ZMIZ1: variants seen among roughly 807,000 people sequenced by gnomAD.
ZMIZ1 encodes zinc finger MIZ domain-containing protein 1.
Under a neutral mutation model 113.9 loss-of-function variants are expected in ZMIZ1, and 17 were observed. That is an observed-to-expected ratio of 0.15 (90% CI 0.10 to 0.22). ZMIZ1 has a LOEUF of 0.22. Ranked by LOEUF, ZMIZ1 falls within the 10% of genes least tolerant of loss-of-function variation. The probability of loss-of-function intolerance (pLI) is 1.00; values close to 1 mark genes in which losing one functional copy is unlikely to be tolerated. For missense variants in ZMIZ1, 1,059 were observed against 1,477.8 expected (o/e 0.72, Z 4.65); for synonymous variants, 607 against 603.1 (o/e 1.01, Z -0.09).
At chr10:79,238,895 G>A (rs1849700676) in intron 7 of ZMIZ1, among the ~76,000 whole-genome samples, 1 of 152,170 alleles carries the variant, frequency 6.6e-6, no homozygotes, top group Non-Finnish European at 1.5e-5. Flanking sequence ...CAGTAACCAT[G>A]AGCTGCTTAT....
chr10:79,198,991 G>A (rs532427041), intron 4 of ZMIZ1, among the ~76,000 whole-genome samples: 2 of 151,284 alleles, frequency 1.3e-5, no homozygotes, highest in East Asian at 2.0e-4. Context: ...CCAAGATCAC[G>A]CCATTGCACT....
chr10:79,157,855 G>A (rs914511693), intron 3 of ZMIZ1, among the ~76,000 whole-genome samples: 2 of 152,210 alleles, frequency 1.3e-5, no homozygotes, highest in African/African-American at 4.8e-5. Context: ...GTAAGGGGAT[G>A]TGTGTGGCGG....
intron 1 of ZMIZ1, among the ~76,000 whole-genome samples, chr10:79,117,419 T>C (rs1844088847): frequency 6.6e-6 from 1 of 152,228 alleles, no homozygotes; most frequent in Non-Finnish European, 1.5e-5. Context: ...TGAGTCAACA[T>C]TGTGTTTGCA....
chr10:79,099,503 C>G (rs1032410920), intron 1 of ZMIZ1, among the ~76,000 whole-genome samples: 1 of 152,218 alleles, frequency 6.6e-6, no homozygotes, highest in Admixed American at 6.5e-5. Context: ...TCTTGTTAGA[C>G]TGGCGTGTGG....
chr10:79,289,743 C>G, intron 8 of ZMIZ1, 32 bp from the exon 9 acceptor site: 3 of 1,595,812 alleles, frequency 1.9e-6, no homozygotes, highest in Non-Finnish European at 2.6e-6. Context: ...GCCTGCCAGG[C>G]CCTGAAGATC....
At chr10:79,180,833 C>T (rs189338447) in intron 4 of ZMIZ1, among the ~76,000 whole-genome samples, 8 of 152,350 alleles carry the variant, frequency 5.3e-5, no homozygotes, top group Admixed American at 1.3e-4. Context: ...ACTTTGACTC[C>T]AGTCCCAGCT....
intron 1 of ZMIZ1, among the ~76,000 whole-genome samples, chr10:79,114,649 C>G (rs1349770749): frequency 6.6e-6 from 1 of 152,094 alleles, no homozygotes; most frequent in East Asian, 1.9e-4. Flanking sequence ...AGCAGCTGAA[C>G]AGCTGTCAGC....
At position 79,277,292 on chromosome 10, in the gene ZMIZ1, C is replaced by A; in HGVS notation, c.392C>A (p.Ser131Tyr). ...CTCCCCATGCAGCCCCCTCTCAGCT[C>A]CATGAGCTCCATGAAACCCACTCTG... is the stretch of plus-strand genomic sequence containing the variant. ...GKLPMQPPLSSMSSMKPTLSH... is the reference protein window; with the variant it reads ...GKLPMQPPLSYMSSMKPTLSH... The change falls in exon 8 of 25, where the codon TCC (serine) becomes TAC (tyrosine). Residue 131 changes from serine (S) to tyrosine (Y), a missense_variant. By Grantham distance (144) the Ser-to-Tyr change is moderately radical (BLOSUM62 -2). This residue lies in a region of ZMIZ1 where 272 missense variants were observed against 350.4 expected (regional missense o/e 0.78). Coordinates refer to ENST00000334512, the MANE Select transcript of ZMIZ1 (RefSeq NM_020338.4). 1 of 1,601,618 alleles carries A rather than the reference C, an allele frequency of 6.2e-7. No individual in the cohort carries two copies. Among genetic ancestry groups the A allele is most frequent in the Non-Finnish European group, 8.5e-7 (1 of 1,174,564 alleles).
At chr10:79,141,166 A>C (rs1845246591) in intron 3 of ZMIZ1, among the ~76,000 whole-genome samples, 1 of 152,202 alleles carries the variant, frequency 6.6e-6, no homozygotes, top group African/African-American at 2.4e-5. Context: ...CTGATTCTGC[A>C]GGCAGACATT....
intron 1 of ZMIZ1, among the ~76,000 whole-genome samples, chr10:79,100,757 A>G (rs1315303737): frequency 6.6e-6 from 1 of 152,154 alleles, no homozygotes; most frequent in Non-Finnish European, 1.5e-5. Context: ...ACAGTGCTGC[A>G]GATATCATGT....
chr10:79,250,659 G>A (rs768666127), intron 7 of ZMIZ1, among the ~76,000 whole-genome samples: 2 of 152,230 alleles, frequency 1.3e-5, no homozygotes, highest in Non-Finnish European at 2.9e-5. Flanking sequence ...GTCAGGGTCT[G>A]TGAGCCCCTG....
At chr10:79,199,234 G>C (rs570949924) in intron 4 of ZMIZ1, among the ~76,000 whole-genome samples, 1 of 151,818 alleles carries the variant, frequency 6.6e-6, no homozygotes, top group Non-Finnish European at 1.5e-5. Context: ...GTGGCCAGGC[G>C]TGGTGGCTCA....
intron 7 of ZMIZ1, among the ~76,000 whole-genome samples, chr10:79,248,056 A>G (rs1319460515): frequency 6.6e-6 from 1 of 152,208 alleles, no homozygotes; most frequent in Non-Finnish European, 1.5e-5. Context: ...AAAGTGAGAA[A>G]GAAGCTTGGG....
rs760082641 is a variant in ZMIZ1 at position 79,306,301 on chromosome 10, G to C, written c.2625G>C (p.Pro875=). 6.2e-7 allele frequency: 1 copy of C among 1,612,126 alleles called. No homozygotes were observed. Among genetic ancestry groups the C allele is most frequent in the East Asian group, 2.2e-5 (1 of 44,838 alleles). The part of the protein sequence containing the change: ...LGPGPSPYPL[P]PPPGGTNSND... The stretch of plus-strand genomic sequence containing the variant: ...CCGGCCCGTCCCCCTATCCCCTCCC[G>C]CCTCCCCCAGGGGGCACCAACTCCA... The change falls in exon 22 of 25, where the codon CCG becomes CCC. Residue 875 remains proline, a synonymous_variant. Transcript: ENST00000334512.
At chr10:79,226,872 G>A (rs1404061740) in intron 7 of ZMIZ1, among the ~76,000 whole-genome samples, 1 of 152,144 alleles carries the variant, frequency 6.6e-6, no homozygotes, top group Non-Finnish European at 1.5e-5. Flanking sequence ...AAGGGCATCT[G>A]GATTAGGAAA....
At chr10:79,091,466 A>C (rs1842981274) in intron 1 of ZMIZ1, among the ~76,000 whole-genome samples, 1 of 152,210 alleles carries the variant, frequency 6.6e-6, no homozygotes, top group South Asian at 2.1e-4. Flanking sequence ...TCTGCATTGG[A>C]AACAACCTTG....
chr10:79,293,308 T>C, intron 11 of ZMIZ1, 73 bp from the exon 12 acceptor site: 1 of 1,076,050 alleles, frequency 9.3e-7, no homozygotes, highest in Non-Finnish European at 1.3e-6. Flanking sequence ...CTTCCCTCCC[T>C]GCACTTTCAA....
chr10:79,140,270 A>G (rs1845200587), intron 3 of ZMIZ1, among the ~76,000 whole-genome samples: 1 of 152,192 alleles, frequency 6.6e-6, no homozygotes, highest in Admixed American at 6.5e-5. Context: ...CCTTTGTGGC[A>G]GCATTCAAAA....
intron 1 of ZMIZ1, among the ~76,000 whole-genome samples, chr10:79,117,320 CATCT>C (rs2132318204): frequency 6.6e-6 from 1 of 152,376 alleles, no homozygotes; most frequent in African/African-American, 2.4e-5. Context: ...TGCCGTATTT[CATCT>C]ATTACAGGCG....
Sources: allele counts gnomAD v4.1 joint callset (sites outside exome capture counted in the v4.1 genomes callset), GRCh38; gene constraint gnomAD v4.1.1; regional missense constraint gnomAD v4.1.1; transcripts MANE v1.5; gene names NCBI Gene and HGNC (gene_info 2026-07-23, HGNC 2026-07-21).